Variants in SORCS3 observed in about 807,000 individuals in gnomAD.
SORCS3 encodes sortilin related VPS10 domain containing receptor 3.
In SORCS3, 57 loss-of-function variants were observed where a neutral mutation model predicts 146.3. The ratio of observed to expected loss-of-function variants is 0.39; its 90% CI spans 0.31 to 0.49. The LOEUF is 0.49. Among genes scored for constraint, SORCS3 ranks in the 20% least tolerant of loss-of-function variants. The pLI is 0.92. For synonymous variants in SORCS3, 653 were observed against 618.5 expected (o/e 1.06, Z -0.83); for missense variants, 1,341 against 1,575.5 (o/e 0.85, Z 2.52).
chr10:105,155,125 A>C (rs963594996), intron 9 of SORCS3, among the ~76,000 whole-genome samples: 1 of 152,186 alleles, frequency 6.6e-6, no homozygotes, highest in Admixed American at 6.5e-5. Flanking sequence ...TTTTGTTCTC[A>C]GAATATGTGG....
In SORCS3 at chr10:104,641,396, A is replaced by T. The variant is rs1221400738; in HGVS notation, c.69A>T (p.Leu23=). Residue 23 remains leucine, a synonymous_variant, in exon 1 of 27, where the codon CTA becomes CTT. Coordinates refer to ENST00000369701, the MANE Select transcript of SORCS3 (RefSeq NM_014978.3). This position sits in a 1 kb window ranked among gnomAD's most constrained non-coding sequence, Gnocchi z 6.4. ...CGCCGCTTGTCCGGACGGGGCTCCT[A>T]CTCTTGTCGACGTGGGTCCTGGCCG... ...PGAPLVRTGL[L]LLSTWVLAGA... is the part of the protein sequence containing the mutation. The T allele has an allele frequency of 6.9e-7, 1 of 1,457,118 alleles. No homozygotes were observed. The highest frequency in any genetic ancestry group is 9.0e-7 in the Non-Finnish European group (1 of 1,110,236). 90.3% of individuals were successfully genotyped at this position (1,457,118 alleles called of 1,614,324 possible). A position where few individuals can be genotyped will look rare whatever the true frequency, so the allele number is the denominator to read the frequency against.
intron 20 of SORCS3, among the ~76,000 whole-genome samples, chr10:105,228,355 CCTTT>C (rs1429015756): frequency 1.2e-4 from 18 of 151,382 alleles, no homozygotes; most frequent in Middle Eastern, 3.4e-3. Context: ...TCTTTCTTTC[CCTTT>C]CTTTCTTTCT....
intron 2 of SORCS3, among the ~76,000 whole-genome samples, chr10:104,869,810 T>C (rs1028175514): frequency 6.6e-6 from 1 of 152,248 alleles, no homozygotes; most frequent in Non-Finnish European, 1.5e-5. Context: ...TTGTCAACCA[T>C]TCTTTCAAAC....
chr10:105,138,377 C>G (rs970539154), intron 7 of SORCS3, among the ~76,000 whole-genome samples: 3 of 152,160 alleles, frequency 2.0e-5, no homozygotes, highest in African/African-American at 7.2e-5. Flanking sequence ...CTCTTCTGCT[C>G]CCAGTAGGGC....
chr10:104,965,811 A>G (rs545153251), intron 3 of SORCS3, among the ~76,000 whole-genome samples: 1 of 152,152 alleles, frequency 6.6e-6, no homozygotes, highest in South Asian at 2.1e-4. Flanking sequence ...TTTTTCTTGA[A>G]TAGCCTAAAT....
At chr10:104,710,952 A>G (rs2016408395) in intron 1 of SORCS3, among the ~76,000 whole-genome samples, 1 of 152,164 alleles carries the variant, frequency 6.6e-6, no homozygotes, top group Non-Finnish European at 1.5e-5. Context: ...AAATGTTGGG[A>G]GATTAGATGG....
At chr10:105,182,573 A>T (rs1318155825) in intron 14 of SORCS3, among the ~76,000 whole-genome samples, 2 of 152,172 alleles carry the variant, frequency 1.3e-5, no homozygotes, top group Admixed American at 6.5e-5. Context: ...ACACCAAGTC[A>T]CAGCAGACCT....
intron 1 of SORCS3, among the ~76,000 whole-genome samples, chr10:104,701,915 A>C (rs1163951637): frequency 6.6e-6 from 1 of 152,050 alleles, no homozygotes; most frequent in Non-Finnish European, 1.5e-5. Context: ...TGTTGTTATT[A>C]TGTGAGTTTG....
chr10:105,191,673 T>C (rs1001809882), intron 14 of SORCS3, among the ~76,000 whole-genome samples: 1 of 152,118 alleles, frequency 6.6e-6, no homozygotes, highest in African/African-American at 2.4e-5. Context: ...GTGGGGGGTG[T>C]TGATTTCGGG....
intron 2 of SORCS3, among the ~76,000 whole-genome samples, chr10:104,898,954 CA>C (rs528227466): frequency 1.3e-5 from 2 of 152,200 alleles, no homozygotes; most frequent in Non-Finnish European, 2.9e-5. Flanking sequence ...TCAATGCATA[CA>C]GTCTCCAAGA....
At chr10:105,167,468 TATCC>T (rs2056323732) in intron 13 of SORCS3, 119 bp downstream of exon 13, 2 of 699,680 alleles carry the variant, frequency 2.9e-6, no homozygotes, top group South Asian at 1.9e-5. Flanking sequence ...TCCATTTATT[TATCC>T]ATCCATCCAT....
At chr10:104,644,875 C>T (rs2015472751) in intron 1 of SORCS3, among the ~76,000 whole-genome samples, 2 of 152,286 alleles carry the variant, frequency 1.3e-5, no homozygotes, top group Admixed American at 6.5e-5. Context: ...AATTGAACTC[C>T]ATTCTGACTG....
intron 1 of SORCS3, among the ~76,000 whole-genome samples, chr10:104,810,098 A>C (rs764680850): frequency 6.6e-5 from 10 of 152,218 alleles, no homozygotes; most frequent in Non-Finnish European, 1.5e-4. Flanking sequence ...TGAATGTTAA[A>C]ATTTAGCCAC....
chr10:105,242,059 C>T (rs1443619547), intron 20 of SORCS3, among the ~76,000 whole-genome samples: 5 of 151,928 alleles, frequency 3.3e-5, no homozygotes, highest in East Asian at 1.9e-4. Flanking sequence ...ACTGGGTACC[C>T]GCCCCTATCT....
At chr10:105,119,134 C>T (rs1199121304) in intron 7 of SORCS3, among the ~76,000 whole-genome samples, 5 of 152,150 alleles carry the variant, frequency 3.3e-5, no homozygotes, top group Admixed American at 6.5e-5. Context: ...CTTGGTACCC[C>T]GCATCCCAGC....
intron 1 of SORCS3, among the ~76,000 whole-genome samples, chr10:104,757,775 G>T (rs2017070970): frequency 6.6e-6 from 1 of 151,940 alleles, no homozygotes; most frequent in African/African-American, 2.4e-5. Flanking sequence ...GCATTAAATG[G>T]AGGTGTTTTC....
chr10:104,745,793 A>C (rs1157797979), intron 1 of SORCS3, among the ~76,000 whole-genome samples: 1 of 151,906 alleles, frequency 6.6e-6, no homozygotes, highest in Non-Finnish European at 1.5e-5. Flanking sequence ...TATAAGTTTG[A>C]CTATTTTAGG....
chr10:104,696,780 A>T (rs1478727917), intron 1 of SORCS3, among the ~76,000 whole-genome samples: 1 of 128,682 alleles, frequency 7.8e-6, no homozygotes, highest in Non-Finnish European at 1.6e-5. Context: ...ATATATATAT[A>T]TAATGGAATA....
In SORCS3 at chr10:104,895,742, G is replaced by A. The variant is rs138986483; in HGVS notation, c.696-20091G>A. ...AATGTCTGTCTCCATGCCTGTACAC[G>A]CTTACATGTATGATGGGGGAAGAGT... is the stretch of plus-strand genomic sequence containing the variant. On this transcript the variant is annotated intron_variant, in intron 2 of 26. Transcript: ENST00000369701. 2.3e-3 allele frequency among the ~76,000 whole-genome samples: 349 copies of A among 152,272 alleles called. 2 individuals carry two copies. The highest frequency in any genetic ancestry group is 8.1e-3 in the African/African-American group (337 of 41,532).
Sources: gnomAD v4.1 joint callset for allele counts (sites outside exome capture counted in the v4.1 genomes callset) on GRCh38, gnomAD v4.1.1 for gene constraint, Gnocchi (gnomAD v3.1) non-coding constraint, MANE v1.5 for transcripts, NCBI Gene and HGNC (gene_info 2026-07-23, HGNC 2026-07-21) for gene names.